AJAP1: variants seen among roughly 807,000 people sequenced by gnomAD.
AJAP1 encodes the protein adherens junctions associated protein 1.
A neutral mutation model predicts 35.0 loss-of-function variants in AJAP1; 5 were observed. The observed-to-expected ratio is 0.14, with a 90% CI of 0.07 to 0.30. The LOEUF (loss-of-function observed/expected upper bound fraction) is 0.30. AJAP1 is among the 10% of genes least tolerant of loss of function. AJAP1 has a pLI of 1.00. For missense variants in AJAP1, 586 were observed against 571.0 expected, an observed-to-expected ratio of 1.03 and a Z score of -0.27; for synonymous variants, 284 against 249.3, an observed-to-expected ratio of 1.14 and a Z score of -1.31.
intron 2 of AJAP1, among the ~76,000 whole-genome samples, chr1:4,715,508 A>G (rs112930097): frequency 0.017 from 2,635 of 152,256 alleles, 85 homozygotes; most frequent in African/African-American, 0.059. Context: ...ACATGGAGAA[A>G]CCCTGTCTCT....
intron 1 of AJAP1, among the ~76,000 whole-genome samples, chr1:4,688,771 CAAAA>C (rs5772177): frequency 5.5e-4 from 48 of 87,940 alleles, no homozygotes; most frequent in Non-Finnish European, 8.3e-4. Flanking sequence ...GACTCCGTCT[CAAAA>C]AAAAAAAAAA....
intron 1 of AJAP1, among the ~76,000 whole-genome samples, chr1:4,662,986 C>T (rs12408160): frequency 0.2 from 30,725 of 151,964 alleles, 3,395 homozygotes; most frequent in Admixed American, 0.25. Flanking sequence ...CTCCCCTGCA[C>T]GTGGAAAGTG....
At chr1:4,770,058 G>A (rs563881344) in intron 3 of AJAP1, 118 bp downstream of exon 3, 3 of 916,756 alleles carry the variant, frequency 3.3e-6, no homozygotes, top group South Asian at 2.8e-5. Flanking sequence ...TTCTGCCCTG[G>A]GCAGTTCAGC....
chr1:4,682,409 A>G (rs1047171804), intron 1 of AJAP1, among the ~76,000 whole-genome samples: 11 of 152,188 alleles, frequency 7.2e-5, no homozygotes, highest in African/African-American at 2.4e-4. Context: ...ACCCAAGACT[A>G]TGCCCAGAAT....
chr1:4,771,759 G>A (rs551605320), intron 3 of AJAP1, among the ~76,000 whole-genome samples: 42 of 152,260 alleles, frequency 2.8e-4, no homozygotes, highest in African/African-American at 9.6e-4. Context: ...TTTCCAGCTT[G>A]TACACGTGCC....
chr1:4,686,116 T>C, intron 1 of AJAP1, among the ~76,000 whole-genome samples: 1 of 152,246 alleles, frequency 6.6e-6, no homozygotes, highest in South Asian at 2.1e-4. Context: ...TGATGGTTGA[T>C]AGTTGCTGAC....
chr1:4,736,120 G>A (rs1315366402), intron 2 of AJAP1, among the ~76,000 whole-genome samples: 1 of 152,240 alleles, frequency 6.6e-6, no homozygotes, highest in East Asian at 1.9e-4. Flanking sequence ...TTTGTAAAGG[G>A]CTTGGGATGT....
chr1:4,772,445 C>T lies in AJAP1; in HGVS notation c.1083C>T (p.Val361=). 4 of 1,614,238 alleles carry T rather than the reference C, an allele frequency of 2.5e-6. No individual in the cohort carries two copies. The highest frequency in any genetic ancestry group is 3.4e-6 in the Non-Finnish European group (4 of 1,180,052). The change falls in exon 4 of 6, where the codon GTC becomes GTT. Residue 361 remains valine (V), a synonymous_variant. Transcript: ENST00000378191. ...NETLQCSHEC[V]RASVPVYTDE... Reference sequence around the variant, plus strand: ...CCCTGCAGTGTTCTCACGAGTGCGTCAGGGCATCTGTGCCCGTGTACACCG... The same window carrying T: ...CCCTGCAGTGTTCTCACGAGTGCGTTAGGGCATCTGTGCCCGTGTACACCG...
rs1208798766 is a variant in AJAP1, at chr1:4,787,109, G to A, written c.*4624G>A. ...CCGTTCTGCATCACCATAATGAACC[G>A]ATCAGTCATTCATCCTCTTATTCAA... On this transcript the variant is annotated 3_prime_UTR_variant, in exon 6 of 6. Coordinates refer to ENST00000378191, the MANE Select transcript of AJAP1 (RefSeq NM_018836.4). 2 of 152,510 alleles carry A rather than the reference G, an allele frequency of 1.3e-5. No individual in the cohort carries two copies. Among genetic ancestry groups the A allele is most frequent in the Admixed American group, 6.5e-5 (1 of 15,308 alleles). 9.4% of individuals were successfully genotyped at this position (152,510 alleles called of 1,614,324 possible).
intron 2 of AJAP1, among the ~76,000 whole-genome samples, chr1:4,766,210 TG>T (rs1641680302): frequency 7.3e-6 from 1 of 136,924 alleles, no homozygotes; most frequent in South Asian, 2.4e-4. Context: ...CCATTGTCTG[TG>T]GCTGCTTTTT....
rs1032439317 is a variant in AJAP1 at position 4,734,997 on chromosome 1, G to A, written c.829+22298G>A. Among the ~76,000 whole-genome samples the A allele has an allele frequency of 1.3e-5, 2 of 152,308 alleles. No homozygotes were observed. The highest frequency in any genetic ancestry group is 2.1e-4 in the South Asian group (1 of 4,828). On this transcript the variant is annotated intron_variant, in intron 2 of 5. Transcript: ENST00000378191. This position sits in a 1 kb window ranked among gnomAD's most constrained non-coding sequence, Gnocchi z 4.3. The stretch of plus-strand genomic sequence containing the variant: ...TGATGGAGCTCAGCCTGCAGCAGCC[G>A]TCTTCACCTCAACTTCCCTGGGAGC...
At chr1:4,756,377 G>A (rs777494078) in intron 2 of AJAP1, among the ~76,000 whole-genome samples, 1 of 152,174 alleles carries the variant, frequency 6.6e-6, no homozygotes, top group Admixed American at 6.5e-5. Flanking sequence ...CCAGGTGTGC[G>A]GTAGTCTCAT....
In AJAP1 at chr1:4,693,399, A is replaced by C; in HGVS notation, c.30-18501A>C. Among the ~76,000 whole-genome samples the C allele has an allele frequency of 1.6e-5, 2 of 121,304 alleles. No homozygotes were observed. Among genetic ancestry groups the C allele is most frequent in the African/African-American group, 3.1e-5 (1 of 32,572 alleles). The allele number at this position is 121,304 out of a possible 152,430, so 79.6% of individuals were successfully genotyped here. On this transcript the variant is annotated intron_variant, in intron 1 of 5. Transcript: ENST00000378191. This position sits in a 1 kb window ranked among gnomAD's most constrained non-coding sequence, Gnocchi z 4.4. ...CTGGAGGCAGGGGGCGGGGGGAGGGATTGGAGGAGGCCTAAGCAGGAGCAG... is the reference window on the plus strand; with the variant it reads ...CTGGAGGCAGGGGGCGGGGGGAGGGCTTGGAGGAGGCCTAAGCAGGAGCAG...
chr1:4,709,115 G>C (rs935551427), intron 1 of AJAP1, among the ~76,000 whole-genome samples: 2 of 152,202 alleles, frequency 1.3e-5, no homozygotes, highest in Admixed American at 1.3e-4. Flanking sequence ...GCAGGCACGG[G>C]CTTAGGTGCT....
intron 2 of AJAP1, among the ~76,000 whole-genome samples, chr1:4,737,556 GGGT>G (rs1640958440): frequency 6.6e-6 from 1 of 151,824 alleles, no homozygotes; most frequent in Non-Finnish European, 1.5e-5. Context: ...GGCAGGGCCA[GGGT>G]GCCCAGGTCC....
At chr1:4,669,878 C>T (rs1639213851) in intron 1 of AJAP1, among the ~76,000 whole-genome samples, 1 of 152,162 alleles carries the variant, frequency 6.6e-6, no homozygotes, top group East Asian at 1.9e-4. Flanking sequence ...TGTGAACATA[C>T]ATGTACAGGT....
intron 2 of AJAP1, among the ~76,000 whole-genome samples, chr1:4,768,273 G>A (rs1375935309): frequency 6.6e-6 from 1 of 152,242 alleles, no homozygotes; most frequent in Non-Finnish European, 1.5e-5. Flanking sequence ...GTGGATAGAA[G>A]AAGGCTTGGG....
chr1:4,657,762 C>G (rs1041698886), intron 1 of AJAP1, among the ~76,000 whole-genome samples: 2 of 150,524 alleles, frequency 1.3e-5, no homozygotes, highest in Admixed American at 1.3e-4. Flanking sequence ...GCCCCAGAGA[C>G]GAAGTCTGGG....
In AJAP1 at chr1:4,723,228, A is replaced by C. The variant is rs2100285596; in HGVS notation, c.829+10529A>C. Among the ~76,000 whole-genome samples, 1 of 152,306 alleles carries C rather than the reference A, an allele frequency of 6.6e-6. No individual in the cohort carries two copies. Among genetic ancestry groups the C allele is most frequent in the South Asian group, 2.1e-4 (1 of 4,826 alleles). On this transcript the variant is annotated intron_variant, in intron 2 of 5. Coordinates refer to ENST00000378191, the MANE Select transcript of AJAP1 (RefSeq NM_018836.4). The surrounding 1 kb of genome is among the most constrained non-coding windows in gnomAD (Gnocchi z 4.3). ...AGAAGCTGGGGAGCAGCAGATTGGA[A>C]GGAGCCCTTGGGACGGGACCTTCAC...
Sources: gnomAD v4.1 joint callset for allele counts (sites outside exome capture counted in the v4.1 genomes callset) on GRCh38, gnomAD v4.1.1 for gene constraint, Gnocchi (gnomAD v3.1) non-coding constraint, MANE v1.5 for transcripts, NCBI Gene and HGNC (gene_info 2026-07-23, HGNC 2026-07-21) for gene names.